Variants in SLCO3A1 observed in about 807,000 individuals in gnomAD.
SLCO3A1 encodes PGE1 transporter.
In SLCO3A1, 27 loss-of-function variants were observed where a neutral mutation model predicts 63.1. The observed-to-expected ratio is 0.43, with a 90% CI of 0.32 to 0.59. The LOEUF (loss-of-function observed/expected upper bound fraction) is 0.59, where lower values mean the gene tolerates loss of function less well. Among genes scored for constraint, SLCO3A1 ranks in the 20% least tolerant of loss-of-function variants. The pLI is 0.09. For synonymous variants in SLCO3A1, 473 were observed against 409.9 expected (o/e 1.15, Z -1.86); for missense variants, 773 against 945.8 (o/e 0.82, Z 2.40).
intron 2 of SLCO3A1, among the ~76,000 whole-genome samples, chr15:92,067,831 T>C (rs369082314): frequency 6.6e-6 from 1 of 152,220 alleles, no homozygotes; most frequent in Admixed American, 6.5e-5. Flanking sequence ...TTTGTCATGG[T>C]TCTGCAGGCG....
chr15:92,077,539 C>A (rs998375198), intron 2 of SLCO3A1, among the ~76,000 whole-genome samples: 2 of 152,180 alleles, frequency 1.3e-5, no homozygotes, highest in African/African-American at 4.8e-5. Flanking sequence ...AAGCGTCTGG[C>A]TCCCTCTGGT....
intron 2 of SLCO3A1, among the ~76,000 whole-genome samples, chr15:92,089,840 A>G (rs143938379): frequency 6.6e-6 from 1 of 152,314 alleles, no homozygotes; most frequent in East Asian, 1.9e-4. Context: ...TCATCTGGGT[A>G]TAAGTTGAGA....
chr15:91,872,209 A>G lies in SLCO3A1; in HGVS notation c.180+18121A>G, dbSNP rs565463346. On this transcript the variant is annotated intron_variant, in intron 1 of 9. Coordinates refer to ENST00000318445, the MANE Select transcript of SLCO3A1 (RefSeq NM_013272.4). The surrounding 1 kb of genome is among the most constrained non-coding windows in gnomAD (Gnocchi z 4.1). The stretch of plus-strand genomic sequence containing the variant: ...AGATGTCATTATTTCTCTTTTCCGT[A>G]TAAGGAAATAGGGCTCACTTCTAGA... 1.7e-4 allele frequency among the ~76,000 whole-genome samples: 26 copies of G among 152,256 alleles called. No homozygotes were observed. The highest frequency in any genetic ancestry group is 5.8e-4 in the East Asian group (3 of 5,168).
intron 2 of SLCO3A1, among the ~76,000 whole-genome samples, chr15:92,043,898 C>T (rs2046828293): frequency 6.6e-6 from 1 of 152,152 alleles, no homozygotes; most frequent in Admixed American, 6.5e-5. Context: ...CCTCCTGTTT[C>T]TCCCTGGTCG....
intron 9 of SLCO3A1, chr15:92,162,554 A>T (rs2048452580): frequency 2.6e-6 from 2 of 776,130 alleles, no homozygotes; most frequent in East Asian, 2.9e-5. Context: ...AGGAGGGCTT[A>T]AATAACTTGC....
intron 9 of SLCO3A1, among the ~76,000 whole-genome samples, chr15:92,157,643 G>T (rs2048388759): frequency 6.6e-6 from 1 of 152,026 alleles, no homozygotes; most frequent in African/African-American, 2.4e-5. Context: ...TCTTGCCAGT[G>T]GGGGTTATTA....
intron 4 of SLCO3A1, among the ~76,000 whole-genome samples, chr15:92,109,538 A>G (rs2047704449): frequency 6.6e-6 from 1 of 152,204 alleles, no homozygotes; most frequent in Admixed American, 6.5e-5. Context: ...TAACCGCACC[A>G]GAGGTTTAAA....
At chr15:91,889,245 G>A (rs1897809692) in intron 1 of SLCO3A1, 1 of 1,048,254 alleles carries the variant, frequency 9.5e-7, no homozygotes, top group Admixed American at 2.3e-5. Flanking sequence ...ACTGTGGGTG[G>A]TCCTGCTGGA....
chr15:92,036,682 C>T (rs1012565370), intron 2 of SLCO3A1, among the ~76,000 whole-genome samples: 1 of 152,150 alleles, frequency 6.6e-6, no homozygotes, highest in Non-Finnish European at 1.5e-5. Flanking sequence ...CAGATTCATC[C>T]ATTTCAAAAG....
rs1185027921 is a variant in SLCO3A1, at chr15:92,131,897, C to G, written c.1512+3408C>G. 5.5e-5 allele frequency among the ~76,000 whole-genome samples: 8 copies of G among 145,966 alleles called. 1 individual carries two copies. Among genetic ancestry groups the G allele is most frequent in the Admixed American group, 2.7e-4 (4 of 14,690 alleles). On this transcript the variant is annotated intron_variant, in intron 7 of 9. Coordinates refer to ENST00000318445, the MANE Select transcript of SLCO3A1 (RefSeq NM_013272.4). ...AAACCCCTATTGCCCCTGCTCTTGC[C>G]TAGCAAGGCTCTCACCTCACCTGTT...
rs1897387811 is a variant in SLCO3A1 at position 91,875,914 on chromosome 15, A to G, written c.180+21826A>G. On this transcript the variant is annotated intron_variant, in intron 1 of 9. Coordinates refer to ENST00000318445, the MANE Select transcript of SLCO3A1 (RefSeq NM_013272.4). This position sits in a 1 kb window ranked among gnomAD's most constrained non-coding sequence, Gnocchi z 4.5. ...AGTAATATGGCCTGCAAAGCCTAAA[A>G]TAGCTGCTATCTGGCCTTTACAGAA... Among the ~76,000 whole-genome samples, 1 of 152,172 alleles carries G rather than the reference A, an allele frequency of 6.6e-6. No individual in the cohort carries two copies.
At chr15:91,919,300 A>T (rs947091999) in intron 2 of SLCO3A1, among the ~76,000 whole-genome samples, 1 of 152,180 alleles carries the variant, frequency 6.6e-6, no homozygotes, top group African/African-American at 2.4e-5. Flanking sequence ...GGATTCCTGG[A>T]TGGGCTATTC....
chr15:91,922,529 C>A (rs1407024843), intron 2 of SLCO3A1, among the ~76,000 whole-genome samples: 1 of 152,168 alleles, frequency 6.6e-6, no homozygotes, highest in East Asian at 1.9e-4. Context: ...CAAAGAGAAC[C>A]AAATTTCCTT....
At chr15:92,017,031 C>T (rs1385417071) in intron 2 of SLCO3A1, among the ~76,000 whole-genome samples, 1 of 152,054 alleles carries the variant, frequency 6.6e-6, no homozygotes, top group Non-Finnish European at 1.5e-5. Context: ...TCAACACCCA[C>T]TTTTGATGGG....
At chr15:92,095,674 A>G (rs368175245) in intron 3 of SLCO3A1, among the ~76,000 whole-genome samples, 12 of 152,316 alleles carry the variant, frequency 7.9e-5, no homozygotes, top group South Asian at 6.2e-4. Flanking sequence ...ATTTTATACA[A>G]CTAAGGTTTA....
intron 2 of SLCO3A1, among the ~76,000 whole-genome samples, chr15:92,016,251 A>AGATGATAGATAGATTGATT (rs1416143953): frequency 2.7e-3 from 140 of 52,194 alleles, no homozygotes; most frequent in African/African-American, 0.017. Context: ...ATAGATAGAT[A>AGATGATAGATAGATTGATT]GATTAGATAG....
chr15:91,901,048 G>A (rs931542885), intron 1 of SLCO3A1, among the ~76,000 whole-genome samples: 5 of 151,912 alleles, frequency 3.3e-5, no homozygotes, highest in Non-Finnish European at 5.9e-5. Flanking sequence ...TTTGTGATTT[G>A]TTTTATGTCT....
At chr15:92,081,568 A>G (rs1465974143) in intron 2 of SLCO3A1, among the ~76,000 whole-genome samples, 1 of 152,108 alleles carries the variant, frequency 6.6e-6, no homozygotes, top group East Asian at 1.9e-4. Flanking sequence ...GGTTTTCACC[A>G]TGTTGGCCAG....
downstream of SLCO3A1, among the ~76,000 whole-genome samples, chr15:92,168,213 A>C (rs917160549): frequency 4.6e-5 from 7 of 152,340 alleles, no homozygotes; most frequent in East Asian, 1.4e-3. Context: ...GCCTCATGGC[A>C]GCAAGAATCA....
Sources: gnomAD v4.1 joint callset for allele counts (sites outside exome capture counted in the v4.1 genomes callset) on GRCh38, gnomAD v4.1.1 for gene constraint, Gnocchi (gnomAD v3.1) non-coding constraint, MANE v1.5 for transcripts, NCBI Gene and HGNC (gene_info 2026-07-23, HGNC 2026-07-21) for gene names.